Variants in ARHGAP42 observed in about 807,000 individuals in gnomAD.
The protein encoded by ARHGAP42 is Rho GTPase activating protein 42, also known as rho GTPase-activating protein 42.
Under a neutral mutation model 125.0 loss-of-function variants are expected in ARHGAP42, and 63 were observed. That is an observed-to-expected ratio of 0.50 (90% CI 0.41 to 0.62). The LOEUF is 0.62. Among genes scored for constraint, ARHGAP42 ranks in the 20% least tolerant of loss-of-function variants. The probability of loss-of-function intolerance (pLI) is 0.00; values close to 1 mark genes in which losing one functional copy is unlikely to be tolerated. For missense variants in ARHGAP42, 766 were observed against 1,024.2 expected (o/e 0.75, Z 3.44); for synonymous variants, 339 against 351.0 (o/e 0.97, Z 0.38).
chr11:100,960,838 T>C, intron 13 of ARHGAP42, 77 bp from the exon 14 acceptor site: 1 of 914,314 alleles, frequency 1.1e-6, no homozygotes, highest in Non-Finnish European at 1.6e-6. Flanking sequence ...TTGTTAGGCA[T>C]ATGTCTGAGT....
At chr11:100,890,155 G>A (rs559147148) in intron 4 of ARHGAP42, among the ~76,000 whole-genome samples, 1 of 152,318 alleles carries the variant, frequency 6.6e-6, no homozygotes, top group Admixed American at 6.5e-5. Flanking sequence ...TCTGTGGGCA[G>A]GTTTTCCTTA....
chr11:100,770,492 C>A (rs1862947000), intron 2 of ARHGAP42, 54 bp downstream of exon 2: 2 of 1,165,454 alleles, frequency 1.7e-6, no homozygotes, highest in South Asian at 3.0e-5. Flanking sequence ...TTACTGAAAT[C>A]AAATAGACAC....
chr11:100,841,083 C>T lies in ARHGAP42; in HGVS notation c.313-18471C>T, dbSNP rs201744448. Among the ~76,000 whole-genome samples, 15 of 152,250 alleles carry T rather than the reference C, an allele frequency of 9.9e-5. No homozygotes were observed. In the East Asian group the frequency reaches 2.1e-3, roughly 22 times the overall value. ...TGCCATGAAATACGGTCTCTTGATA[C>T]GTACACTTTTGTGTAACGAGGCATT... On this transcript the variant is annotated intron_variant, in intron 3 of 23. Transcript: ENST00000298815.
intron 3 of ARHGAP42, among the ~76,000 whole-genome samples, chr11:100,838,399 T>C (rs376496157): frequency 1.3e-5 from 2 of 152,246 alleles, no homozygotes; most frequent in East Asian, 3.9e-4. Context: ...AAGCTAAAGA[T>C]ATCTTAATTA....
At chr11:100,905,899 C>G (rs1042613000) in intron 4 of ARHGAP42, among the ~76,000 whole-genome samples, 2 of 152,192 alleles carry the variant, frequency 1.3e-5, no homozygotes, top group Admixed American at 6.5e-5. Context: ...AATCGTTTGA[C>G]TTCGGAGGCG....
At chr11:100,689,018 A>G (rs1172407485) in intron 1 of ARHGAP42, among the ~76,000 whole-genome samples, 2 of 152,234 alleles carry the variant, frequency 1.3e-5, no homozygotes, top group Non-Finnish European at 2.9e-5. Context: ...TGAAACATGT[A>G]TTAACAGTAA....
chr11:100,815,735 T>C (rs515584), intron 3 of ARHGAP42, among the ~76,000 whole-genome samples: 32,904 of 152,116 alleles, frequency 0.22, 4,137 homozygotes, highest in African/African-American at 0.35. Flanking sequence ...CACGTTATTA[T>C]GCTACCAATC....
intron 4 of ARHGAP42, among the ~76,000 whole-genome samples, chr11:100,894,732 T>G (rs1471089514): frequency 6.6e-6 from 1 of 152,196 alleles, no homozygotes; most frequent in East Asian, 1.9e-4. Context: ...CTCTCCTCAC[T>G]TAATGTGAAA....
At chr11:100,844,947 CAG>C (rs1321834302) in intron 3 of ARHGAP42, among the ~76,000 whole-genome samples, 2 of 152,016 alleles carry the variant, frequency 1.3e-5, no homozygotes, top group East Asian at 1.9e-4. Flanking sequence ...GGTATCTACT[CAG>C]AGGAAATGAA....
In ARHGAP42 at chr11:100,780,032, T is replaced by C. The variant is rs149761150; in HGVS notation, c.250+9594T>C. 4.3e-3 allele frequency among the ~76,000 whole-genome samples: 596 copies of C among 139,492 alleles called. 2 individuals carry two copies. Among genetic ancestry groups the C allele is most frequent in the Non-Finnish European group, 7.2e-3 (457 of 63,356 alleles). 91.5% of individuals were successfully genotyped at this position (139,492 alleles called of 152,430 possible). ...CAGAGTGAGACTCCATCTCAAAAAC[T>C]AAAAAAAAAAACAAGTTTTAAAAAT... is the stretch of plus-strand genomic sequence containing the variant. On this transcript the variant is annotated intron_variant, in intron 2 of 23. Transcript: ENST00000298815.
At chr11:100,712,553 A>T (rs887687273) in intron 1 of ARHGAP42, among the ~76,000 whole-genome samples, 2 of 152,260 alleles carry the variant, frequency 1.3e-5, no homozygotes, top group African/African-American at 4.8e-5. Flanking sequence ...GGGATAAGGG[A>T]AGTTAATGAG....
intron 12 of ARHGAP42, among the ~76,000 whole-genome samples, chr11:100,954,985 G>A (rs995430465): frequency 6.6e-6 from 1 of 152,156 alleles, no homozygotes; most frequent in Non-Finnish European, 1.5e-5. Context: ...GCTTTGTTTT[G>A]TCAACCCTGA....
At chr11:100,903,400 C>G (rs1233435426) in intron 4 of ARHGAP42, among the ~76,000 whole-genome samples, 3 of 151,902 alleles carry the variant, frequency 2.0e-5, no homozygotes, top group Non-Finnish European at 4.4e-5. Context: ...TCTTTGTCAT[C>G]CCGGAAGAGC....
chr11:100,948,085 C>T (rs555904467), intron 10 of ARHGAP42, among the ~76,000 whole-genome samples: 1 of 152,106 alleles, frequency 6.6e-6, no homozygotes, highest in East Asian at 1.9e-4. Flanking sequence ...GACTGTACCA[C>T]ATCAGGGTCA....
At position 100,992,719 on chromosome 11, in the gene ARHGAP42, A is replaced by C; in HGVS notation, c.*3918A>C. ...AATGATGTGGACTTTTAGAGGATCA[A>C]ATCAATAAATTGGATTTTTTATTTT... On this transcript the variant is annotated 3_prime_UTR_variant, in exon 24 of 24. Transcript: ENST00000298815. 1.3e-6 allele frequency: 2 copies of C among 1,537,376 alleles called. No individual in the cohort carries two copies. The highest frequency in any genetic ancestry group is 1.3e-5 in the South Asian group (1 of 77,586).
At chr11:100,910,255 G>C (rs1172041748) in intron 4 of ARHGAP42, among the ~76,000 whole-genome samples, 1 of 152,082 alleles carries the variant, frequency 6.6e-6, no homozygotes, top group East Asian at 1.9e-4. Context: ...TAGACATATA[G>C]TAAGTAACGG....
chr11:100,720,894 A>G (rs1861747167), intron 1 of ARHGAP42, among the ~76,000 whole-genome samples: 1 of 152,150 alleles, frequency 6.6e-6, no homozygotes, highest in Admixed American at 6.5e-5. Flanking sequence ...TTAAAAATAG[A>G]ATAATATGGT....
intron 3 of ARHGAP42, among the ~76,000 whole-genome samples, chr11:100,850,891 T>C (rs1485642433): frequency 8.2e-6 from 1 of 122,224 alleles, no homozygotes; most frequent in Non-Finnish European, 1.8e-5. Context: ...TTTTTTTTTT[T>C]TTTTTTTTGA....
At chr11:100,711,719 T>C (rs1382569177) in intron 1 of ARHGAP42, among the ~76,000 whole-genome samples, 1 of 152,160 alleles carries the variant, frequency 6.6e-6, no homozygotes, top group Admixed American at 6.5e-5. Flanking sequence ...GGTTATTATC[T>C]ATGCAATAAA....
Sources: allele counts gnomAD v4.1 joint callset (sites outside exome capture counted in the v4.1 genomes callset), GRCh38; gene constraint gnomAD v4.1.1; transcripts MANE v1.5; gene names NCBI Gene and HGNC (gene_info 2026-07-23, HGNC 2026-07-21).